Variants in PDS5B observed in about 807,000 individuals in gnomAD.
PDS5B encodes sister chromatid cohesion protein PDS5 homolog B.
PDS5B carries 51 observed loss-of-function variants against 184.1 expected under a neutral mutation model. That is an observed-to-expected ratio of 0.28 (90% confidence interval 0.22 to 0.35). The LOEUF (loss-of-function observed/expected upper bound fraction) is 0.35, where lower values mean the gene tolerates loss of function less well. PDS5B is among the 10% of genes least tolerant of loss of function. PDS5B has a pLI of 1.00. For missense variants in PDS5B, 1,180 were observed against 1,723.3 expected (o/e 0.68, Z 5.58); for synonymous variants, 566 against 569.2 (o/e 0.99, Z 0.08).
chr13:32,602,392 C>G (rs1184771618), intron 1 of PDS5B, among the ~76,000 whole-genome samples: 1 of 152,166 alleles, frequency 6.6e-6, no homozygotes, highest in East Asian at 1.9e-4. Flanking sequence ...ATGATGGTTT[C>G]CAGCTTCATC....
At chr13:32,721,647 G>A (rs1380121527) in intron 19 of PDS5B, among the ~76,000 whole-genome samples, 7 of 150,072 alleles carry the variant, frequency 4.7e-5, no homozygotes, top group South Asian at 2.1e-4. Flanking sequence ...CAGACGGGGC[G>A]GCCGGGCAGA....
At chr13:32,748,917 C>T (rs1045272405) in intron 24 of PDS5B, among the ~76,000 whole-genome samples, 1 of 152,080 alleles carries the variant, frequency 6.6e-6, no homozygotes, top group Non-Finnish European at 1.5e-5. Flanking sequence ...TTCTTACTTT[C>T]TTGACCATTC....
At chr13:32,587,003 T>TCGC (rs1176659377) in intron 1 of PDS5B, among the ~76,000 whole-genome samples, 7 of 119,034 alleles carry the variant, frequency 5.9e-5, no homozygotes, top group African/African-American at 2.0e-4. Flanking sequence ...GCCGCCGCCG[T>TCGC]CGCCGCCGCC....
intron 1 of PDS5B, among the ~76,000 whole-genome samples, chr13:32,595,851 A>G (rs2057857110): frequency 6.6e-6 from 1 of 152,192 alleles, no homozygotes; most frequent in South Asian, 2.1e-4. Context: ...TACATCTGTA[A>G]TTCCAGCACT....
Position 32,758,070 on chromosome 13 carries a change from CTTT to C in PDS5B, c.3057-5_3057-3del, listed in dbSNP as rs376698450. 3.5e-4 allele frequency: 329 copies of C among 929,016 alleles called. No homozygotes were observed. Among genetic ancestry groups the C allele is most frequent in the South Asian group, 7.5e-4 (26 of 34,658 alleles). 57.5% of individuals were successfully genotyped at this position (929,016 alleles called of 1,614,324 possible). A position where few individuals can be genotyped will look rare whatever the true frequency, so the allele number is the denominator to read the frequency against. On this transcript the variant is annotated splice_polypyrimidine_tract_variant and intron_variant, in intron 26 of 34. Transcript: ENST00000315596. ...GATTTTCTTCTATATTTCTTTTTTC[CTTT>C]TTTTTTTTTTTAGATGTCTTTGGTT... is the stretch of plus-strand genomic sequence containing the variant.
intron 19 of PDS5B, among the ~76,000 whole-genome samples, chr13:32,729,116 G>A (rs1328339866): frequency 6.6e-6 from 1 of 151,866 alleles, no homozygotes; most frequent in South Asian, 2.1e-4. Flanking sequence ...CCCACAACAG[G>A]CCCTGGTGTG....
At chr13:32,730,436 T>C (rs568612521) in intron 19 of PDS5B, among the ~76,000 whole-genome samples, 11 of 152,342 alleles carry the variant, frequency 7.2e-5, no homozygotes, top group Admixed American at 7.2e-4. Flanking sequence ...TGGGCTCTTT[T>C]TTGGTTCCAT....
Position 32,770,130 on chromosome 13 carries a change from G to C in PDS5B, c.3634G>C (p.Glu1212Gln). ...TTTTTTTTTCCCCTAGTCTGAATTG[G>C]AGAAGCCTAGAGGCAGGAAAAAAAC... ...DDSDLVRSEL[E>Q]KPRGRKKTPV... Residue 1212 changes from glutamate to glutamine, a missense_variant, in exon 32 of 35, where the codon GAG (glutamate) becomes CAG (glutamine). Around this residue, in one of 11 missense-constraint regions of PDS5B, gnomAD observed 465 missense variants for 497.8 expected, o/e 0.93. Transcript: ENST00000315596. 1 of 1,597,560 alleles carries C rather than the reference G, an allele frequency of 6.3e-7. No homozygotes were observed. The highest frequency in any genetic ancestry group is 8.5e-7 in the Non-Finnish European group (1 of 1,174,498).
chr13:32,738,236 C>T (rs186237213), intron 21 of PDS5B, among the ~76,000 whole-genome samples: 147 of 152,248 alleles, frequency 9.7e-4, no homozygotes, highest in African/African-American at 3.4e-3. Flanking sequence ...TTTATTCCTA[C>T]GAGTGAAGTT....
intron 19 of PDS5B, among the ~76,000 whole-genome samples, chr13:32,716,968 T>G (rs1593499543): frequency 8.8e-5 from 7 of 79,814 alleles, no homozygotes; most frequent in Admixed American, 1.3e-4. Context: ...GGGAGGGAGG[T>G]GGGGGGGTCA....
intron 1 of PDS5B, among the ~76,000 whole-genome samples, chr13:32,620,480 C>T (rs561082903): frequency 2.2e-4 from 33 of 152,070 alleles, no homozygotes; most frequent in African/African-American, 8.0e-4. Flanking sequence ...TGGTGAAACC[C>T]CATCTCTACT....
intron 1 of PDS5B, among the ~76,000 whole-genome samples, chr13:32,589,460 T>G (rs1044092348): frequency 1.3e-5 from 2 of 152,142 alleles, no homozygotes; most frequent in Non-Finnish European, 2.9e-5. Flanking sequence ...ATTTAGGTTG[T>G]CTCAGAAGAT....
intron 1 of PDS5B, among the ~76,000 whole-genome samples, chr13:32,590,296 T>A (rs970447538): frequency 1.3e-5 from 2 of 152,164 alleles, no homozygotes; most frequent in Admixed American, 6.5e-5. Context: ...ATTACCTGAT[T>A]CAATTAAAAT....
intron 14 of PDS5B, among the ~76,000 whole-genome samples, chr13:32,695,304 T>G (rs1376938035): frequency 6.6e-6 from 1 of 152,010 alleles, no homozygotes; most frequent in Non-Finnish European, 1.5e-5. Context: ...TTTCTGTGAT[T>G]ATTGAGTTTA....
In PDS5B at chr13:32,699,765, A is replaced by C; in HGVS notation, c.1636A>C (p.Met546Leu). 6.4e-7 allele frequency: 1 copy of C among 1,561,970 alleles called. No homozygotes were observed. Among genetic ancestry groups the C allele is most frequent in the African/African-American group, 1.4e-5 (1 of 72,220 alleles). Reference protein sequence around the residue: ...LPDPGKAQDFMKKFTQVLEDD... With the variant: ...LPDPGKAQDFLKKFTQVLEDD... The stretch of plus-strand genomic sequence containing the variant: ...TGATCCTGGTAAGGCTCAGGATTTC[A>C]TGAAGAAATTCACACAGGTGTTAGA... The change falls in exon 16 of 35, where the codon ATG becomes CTG. Residue 546 changes from methionine to leucine, a missense_variant. Physicochemically the swap from Met to Leu is conservative, Grantham distance 15. Transcript: ENST00000315596.
At chr13:32,626,856 A>G (rs758503663) in intron 1 of PDS5B, among the ~76,000 whole-genome samples, 18 of 152,234 alleles carry the variant, frequency 1.2e-4, no homozygotes, top group Non-Finnish European at 2.5e-4. Flanking sequence ...TATATGTTCA[A>G]TCAAATAAAA....
chr13:32,610,121 A>G (rs1055435654), intron 1 of PDS5B, among the ~76,000 whole-genome samples: 3 of 152,206 alleles, frequency 2.0e-5, no homozygotes, highest in Non-Finnish European at 4.4e-5. Flanking sequence ...ATAGATGCAT[A>G]TAAGCTGGCA....
intron 24 of PDS5B, among the ~76,000 whole-genome samples, chr13:32,748,685 G>T (rs886776728): frequency 8.6e-5 from 13 of 151,786 alleles, no homozygotes; most frequent in Non-Finnish European, 1.9e-4. Context: ...ATATTTCCCA[G>T]ATCTATTCTT....
intron 1 of PDS5B, among the ~76,000 whole-genome samples, chr13:32,634,971 T>C (rs1566267055): frequency 6.6e-6 from 1 of 151,750 alleles, no homozygotes; most frequent in Non-Finnish European, 1.5e-5. Flanking sequence ...TCCAGTTTCT[T>C]CACAACCTCA....
Sources: allele counts gnomAD v4.1 joint callset (sites outside exome capture counted in the v4.1 genomes callset), GRCh38; gene constraint gnomAD v4.1.1; regional missense constraint gnomAD v4.1.1; transcripts MANE v1.5; gene names NCBI Gene and HGNC (gene_info 2026-07-23, HGNC 2026-07-21).